SMOC2: variants seen among roughly 807,000 people sequenced by gnomAD.
The protein encoded by SMOC2 is SPARC-related modular calcium-binding protein 2.
SMOC2 carries 39 observed loss-of-function variants against 61.4 expected under a neutral mutation model. The ratio of observed to expected loss-of-function variants is 0.64; its 90% CI spans 0.49 to 0.83. The LOEUF (loss-of-function observed/expected upper bound fraction) is 0.83, where lower values mean the gene tolerates loss of function less well. SMOC2 is among the 40% of genes least tolerant of loss of function. SMOC2 has a pLI of 0.00. For missense variants in SMOC2, 556 were observed against 592.9 expected (o/e 0.94, Z 0.65); for synonymous variants, 247 against 239.9 (o/e 1.03, Z -0.27).
chr6:168,655,570 G>A, intron 11 of SMOC2: 1 of 373,784 alleles, frequency 2.7e-6, no homozygotes, highest in Non-Finnish European at 5.4e-6. Flanking sequence ...CCTACTGCAT[G>A]TGTGTACTAG....
At chr6:168,618,872 C>T (rs1030217919) in intron 9 of SMOC2, among the ~76,000 whole-genome samples, 2 of 152,136 alleles carry the variant, frequency 1.3e-5, no homozygotes, top group African/African-American at 4.8e-5. Context: ...AGCTGGAGTG[C>T]CCTTCAGTCA....
chr6:168,481,513 A>G (rs1288088024), intron 1 of SMOC2, among the ~76,000 whole-genome samples: 2 of 152,054 alleles, frequency 1.3e-5, no homozygotes, highest in African/African-American at 4.8e-5. Flanking sequence ...ACAGCTATAG[A>G]GTATATATGA....
At chr6:168,479,177 A>T (rs1219938013) in intron 1 of SMOC2, among the ~76,000 whole-genome samples, 1 of 152,052 alleles carries the variant, frequency 6.6e-6, no homozygotes, top group African/African-American at 2.4e-5. Context: ...AAAAGGAGTC[A>T]GTAACGTTGA....
chr6:168,584,552 C>T (rs55908412), intron 7 of SMOC2, among the ~76,000 whole-genome samples: 3,035 of 151,944 alleles, frequency 0.02, 43 homozygotes, highest in Non-Finnish European at 0.033. Flanking sequence ...AAAAAAAAAG[C>T]ATTCATTAAA....
intron 8 of SMOC2, among the ~76,000 whole-genome samples, chr6:168,600,546 A>G (rs900220393): frequency 6.6e-6 from 1 of 151,856 alleles, no homozygotes; most frequent in African/African-American, 2.4e-5. Context: ...TCGCCTTCAC[A>G]GGCAGCGCTG....
At chr6:168,497,420 T>C (rs887445779) in intron 1 of SMOC2, among the ~76,000 whole-genome samples, 10 of 152,310 alleles carry the variant, frequency 6.6e-5, no homozygotes, top group Admixed American at 5.2e-4. Context: ...AGAAAAGAAT[T>C]CGCCCTTCCT....
rs559715326 is a variant in SMOC2, at chr6:168,535,039, C to T, written c.463+7312C>T. ...AGGCTGGAGTGCAGTGGCACAATCT[C>T]GGCTCACTGCAACCTCCGCCTCCGG... On this transcript the variant is annotated intron_variant, in intron 4 of 12. Coordinates refer to ENST00000356284, the MANE Select transcript of SMOC2 (RefSeq NM_001166412.2). This position sits in a 1 kb window ranked among gnomAD's most constrained non-coding sequence, Gnocchi z 4.6. Among the ~76,000 whole-genome samples the T allele has an allele frequency of 7.9e-5, 12 of 152,164 alleles. No individual in the cohort carries two copies. The highest frequency in any genetic ancestry group is 1.4e-4 in the African/African-American group (6 of 41,496).
intron 8 of SMOC2, among the ~76,000 whole-genome samples, chr6:168,602,801 G>T (rs1355775929): frequency 2.0e-5 from 3 of 152,220 alleles, no homozygotes; most frequent in African/African-American, 7.2e-5. Context: ...GGCAGGTCAG[G>T]GTGCCGGCAC....
At chr6:168,651,300 C>T (rs1295977450) in intron 10 of SMOC2, among the ~76,000 whole-genome samples, 1 of 152,052 alleles carries the variant, frequency 6.6e-6, no homozygotes, top group South Asian at 2.1e-4. Context: ...TTTTTGGAAC[C>T]CTGGAGATGT....
chr6:168,475,204 C>T lies in SMOC2; in HGVS notation c.84+33750C>T, dbSNP rs1036780214. ...GCCCTGCTGTGGGTGATCTGGGGCTCGTTGGCCTCACCCTTGCTTTGGAGA... is the reference window on the plus strand; with the variant it reads ...GCCCTGCTGTGGGTGATCTGGGGCTTGTTGGCCTCACCCTTGCTTTGGAGA... On this transcript the variant is annotated intron_variant, in intron 1 of 12. Transcript: ENST00000356284. This position sits in a 1 kb window ranked among gnomAD's most constrained non-coding sequence, Gnocchi z 4.6. Among the ~76,000 whole-genome samples the T allele has an allele frequency of 2.0e-5, 3 of 152,030 alleles. No individual in the cohort carries two copies. The highest frequency in any genetic ancestry group is 2.1e-4 in the South Asian group (1 of 4,816).
At chr6:168,622,304 A>G (rs1285458253) in intron 9 of SMOC2, among the ~76,000 whole-genome samples, 2 of 152,104 alleles carry the variant, frequency 1.3e-5, no homozygotes, top group Non-Finnish European at 2.9e-5. Flanking sequence ...GAATGGAACA[A>G]AATGAATCTT....
intron 1 of SMOC2, among the ~76,000 whole-genome samples, chr6:168,481,381 CAG>C (rs1782202990): frequency 1.3e-5 from 2 of 152,016 alleles, no homozygotes; most frequent in African/African-American, 4.8e-5. Flanking sequence ...AAGGTAGGAA[CAG>C]AGCTGCTAAA....
chr6:168,632,494 T>C (rs761616486), intron 9 of SMOC2, among the ~76,000 whole-genome samples: 2 of 152,246 alleles, frequency 1.3e-5, no homozygotes, highest in African/African-American at 4.8e-5. Context: ...TTTTACTGAA[T>C]AGTTTCAAAT....
At chr6:168,630,220 G>C (rs940055735) in intron 9 of SMOC2, among the ~76,000 whole-genome samples, 1 of 152,188 alleles carries the variant, frequency 6.6e-6, no homozygotes, top group Non-Finnish European at 1.5e-5. Flanking sequence ...CTCAACAACA[G>C]AAGCCTGTCC....
chr6:168,464,833 G>A (rs1204247880), intron 1 of SMOC2, among the ~76,000 whole-genome samples: 1 of 152,246 alleles, frequency 6.6e-6, no homozygotes, highest in Non-Finnish European at 1.5e-5. Flanking sequence ...AAAAGTGCCA[G>A]GGAGGAACAT....
intron 5 of SMOC2, among the ~76,000 whole-genome samples, chr6:168,546,831 C>T (rs1784014836): frequency 1.3e-5 from 2 of 152,176 alleles, no homozygotes; most frequent in South Asian, 2.1e-4. Flanking sequence ...CCTCATCTGC[C>T]CTATGGCCTG....
chr6:168,615,765 AC>A (rs1239062393), intron 9 of SMOC2, among the ~76,000 whole-genome samples: 1 of 152,182 alleles, frequency 6.6e-6, no homozygotes, highest in Non-Finnish European at 1.5e-5. Context: ...CTTCACATCT[AC>A]AGCCAGGAGC....
At chr6:168,491,078 C>A (rs1011430735) in intron 1 of SMOC2, among the ~76,000 whole-genome samples, 2 of 152,000 alleles carry the variant, frequency 1.3e-5, no homozygotes, top group African/African-American at 4.8e-5. Flanking sequence ...AAAGGTGACC[C>A]TGTAGGACTC....
intron 8 of SMOC2, among the ~76,000 whole-genome samples, chr6:168,602,735 G>A (rs1019502306): frequency 1.3e-5 from 2 of 152,214 alleles, no homozygotes; most frequent in African/African-American, 4.8e-5. Flanking sequence ...TTAGACAGGT[G>A]GTAGACACAA....
Sources: gnomAD v4.1 joint callset for allele counts (sites outside exome capture counted in the v4.1 genomes callset) on GRCh38, gnomAD v4.1.1 for gene constraint, Gnocchi (gnomAD v3.1) non-coding constraint, MANE v1.5 for transcripts, NCBI Gene and HGNC (gene_info 2026-07-23, HGNC 2026-07-21) for gene names.